ZSCAN25: variants seen among roughly 807,000 people sequenced by gnomAD.
ZSCAN25 encodes zinc finger and SCAN domain-containing protein 25.
Under a neutral mutation model 38.7 loss-of-function variants are expected in ZSCAN25, and 27 were observed. The ratio of observed to expected loss-of-function variants is 0.70; its 90% CI spans 0.51 to 0.96. The LOEUF (loss-of-function observed/expected upper bound fraction) is 0.96, where lower values mean the gene tolerates loss of function less well. Ranked by LOEUF, ZSCAN25 falls within the 40% of genes least tolerant of loss-of-function variation. The pLI, the probability that ZSCAN25 is intolerant of heterozygous loss-of-function variation, is 0.00. For missense variants in ZSCAN25, 637 were observed against 705.9 expected, an observed-to-expected ratio of 0.90 and a Z score of 1.11; for synonymous variants, 273 against 277.7, an observed-to-expected ratio of 0.98 and a Z score of 0.17.
chr7:99,650,080 T>G, the ZSCAN25 span: 1 of 1,614,128 alleles, frequency 6.2e-7, no homozygotes, highest in African/African-American at 1.3e-5. Context: ...GACCTGTGTT[T>G]CTTTACAAGG....
the ZSCAN25 span, among the ~76,000 whole-genome samples, chr7:99,689,366 C>T: frequency 6.6e-6 from 1 of 152,128 alleles, no homozygotes; most frequent in Non-Finnish European, 1.5e-5. Flanking sequence ...ATACAAACTA[C>T]CATCAGAGAA....
At chr7:99,643,209 G>A in the ZSCAN25 span, among the ~76,000 whole-genome samples, 1 of 152,084 alleles carries the variant, frequency 6.6e-6, no homozygotes, top group Admixed American at 6.5e-5. Flanking sequence ...ATTATGTGCA[G>A]GATGAGAAAG....
the ZSCAN25 span, among the ~76,000 whole-genome samples, chr7:99,733,729 C>A: frequency 6.3e-3 from 957 of 152,180 alleles, 6 homozygotes; most frequent in African/African-American, 0.022. Flanking sequence ...GGAGTTCTAC[C>A]CTGAGGGGTA....
chr7:99,695,952 G>A, the ZSCAN25 span: 1 of 803,514 alleles, frequency 1.2e-6, no homozygotes, highest in South Asian at 1.7e-5. Flanking sequence ...TAACATTAAG[G>A]CAATAAATGA....
Position 99,619,924 on chromosome 7 carries a change from C to T in ZSCAN25, c.318C>T (p.Gly106=), listed in dbSNP as rs754475718. ...REFYAWIREH[G]PESGKALAAM... ...TCTACGCCTGGATCCGGGAGCATGG[C>T]CCAGAGAGTGGCAAGGCCCTGGCCG... The change falls in exon 4 of 8, where the codon GGC becomes GGT. Residue 106 remains glycine, a synonymous_variant. Coordinates refer to ENST00000394152, the MANE Select transcript of ZSCAN25 (RefSeq NM_145115.3). 11 of 1,614,100 alleles carry T rather than the reference C, an allele frequency of 6.8e-6. No homozygotes were observed. The highest frequency in any genetic ancestry group is 2.2e-5 in the East Asian group (1 of 44,890).
the ZSCAN25 span, among the ~76,000 whole-genome samples, chr7:99,704,074 C>A: frequency 6.6e-6 from 1 of 152,150 alleles, no homozygotes; most frequent in East Asian, 1.9e-4. Context: ...GTAGTTTCAG[C>A]CTTGTTGTCC....
the ZSCAN25 span, among the ~76,000 whole-genome samples, chr7:99,655,216 A>C: frequency 6.6e-6 from 1 of 152,202 alleles, no homozygotes; most frequent in African/African-American, 2.4e-5. Context: ...TTTTAGGTCT[A>C]ACATGTAAGT....
chr7:99,630,875 C>G lies in ZSCAN25; in HGVS notation c.*855C>G. The G allele has an allele frequency of 4.1e-6, 4 of 983,736 alleles. No individual in the cohort carries two copies. Among genetic ancestry groups the G allele is most frequent in the East Asian group, 1.1e-4 (1 of 8,806 alleles). The allele number at this position is 983,736 out of a possible 1,614,324, so 60.9% of individuals were successfully genotyped here. ...TTAAAAAACAGTTCTCTAGAAAGAA[C>G]TGTTATAATTAAAATGAGTCTGAAA... is the stretch of plus-strand genomic sequence containing the variant. On this transcript the variant is annotated 3_prime_UTR_variant, in exon 8 of 8. Transcript: ENST00000394152.
chr7:99,645,241 G>A, the ZSCAN25 span, among the ~76,000 whole-genome samples: 14 of 152,214 alleles, frequency 9.2e-5, no homozygotes, highest in Admixed American at 3.9e-4. Context: ...TGCCCACCTC[G>A]GCTTCTGAAA....
the ZSCAN25 span, among the ~76,000 whole-genome samples, chr7:99,675,098 C>A: frequency 1.3e-5 from 2 of 152,194 alleles, no homozygotes; most frequent in African/African-American, 4.8e-5. Context: ...TTAGATAAGT[C>A]TAAGGCATGT....
At chr7:99,679,449 A>G in the ZSCAN25 span, among the ~76,000 whole-genome samples, 6 of 152,284 alleles carry the variant, frequency 3.9e-5, 1 homozygote, top group Admixed American at 3.9e-4. Context: ...TCCTTCCTGT[A>G]CCCAGAATCC....
At chr7:99,624,603 G>A (rs957733146) in intron 7 of ZSCAN25, 11 of 190,424 alleles carry the variant, frequency 5.8e-5, no homozygotes, top group East Asian at 2.4e-4. Flanking sequence ...TAACGTGCAC[G>A]AAAGCGTTGG....
At chr7:99,704,798 C>T in the ZSCAN25 span, among the ~76,000 whole-genome samples, 1 of 151,870 alleles carries the variant, frequency 6.6e-6, no homozygotes, top group Non-Finnish European at 1.5e-5. Context: ...TCCGTCTGTA[C>T]TAAAAATAGA....
At chr7:99,719,488 G>C in the ZSCAN25 span, among the ~76,000 whole-genome samples, 1 of 152,090 alleles carries the variant, frequency 6.6e-6, no homozygotes, top group Admixed American at 6.6e-5. Context: ...ATAGATAGTA[G>C]AGTTACATTT....
At chr7:99,733,305 G>C in the ZSCAN25 span, among the ~76,000 whole-genome samples, 1 of 152,228 alleles carries the variant, frequency 6.6e-6, no homozygotes, top group African/African-American at 2.4e-5. Context: ...CCCGAGGAAA[G>C]ATCTAGGTGA....
At chr7:99,733,340 G>T in the ZSCAN25 span, among the ~76,000 whole-genome samples, 1 of 152,188 alleles carries the variant, frequency 6.6e-6, no homozygotes, top group Non-Finnish European at 1.5e-5. Flanking sequence ...ATGATTCCAC[G>T]TCAAGGCAGA....
At chr7:99,652,721 T>C in the ZSCAN25 span, 16 of 1,614,170 alleles carry the variant, frequency 9.9e-6, no homozygotes, top group Non-Finnish European at 1.4e-5. Context: ...TCTGAGTGTT[T>C]CATTCACCAC....
At chr7:99,720,342 C>G in the ZSCAN25 span, 1 of 1,613,526 alleles carries the variant, frequency 6.2e-7, no homozygotes, top group Non-Finnish European at 8.5e-7. Flanking sequence ...GAATAACATT[C>G]TTTCACTAGC....
In ZSCAN25 at chr7:99,619,752, G is replaced by T. The variant is rs752788524; in HGVS notation, c.146G>T (p.Arg49Leu). The change falls in exon 4 of 8, where the codon CGC becomes CTC. Residue 49 changes from arginine (R) to leucine (L), a missense_variant. Physicochemically the swap from Arg to Leu is moderately radical, Grantham distance 102. Coordinates refer to ENST00000394152, the MANE Select transcript of ZSCAN25 (RefSeq NM_145115.3). ...ETFRLRFRQF[R>L]YQEAAGPQEA... ...TTTCGGCTGAGGTTTCGGCAGTTCC[G>T]CTACCAGGAGGCAGCTGGACCCCAG... 6.2e-7 allele frequency: 1 copy of T among 1,614,242 alleles called. No homozygotes were observed. The highest frequency in any genetic ancestry group is 1.1e-5 in the South Asian group (1 of 91,086).
Sources: allele counts gnomAD v4.1 joint callset (sites outside exome capture counted in the v4.1 genomes callset), GRCh38; gene constraint gnomAD v4.1.1; transcripts MANE v1.5; gene names NCBI Gene and HGNC (gene_info 2026-07-23, HGNC 2026-07-21).